The following SAPCD2 variants were observed in gnomAD, a reference collection of about 807,000 sequenced individuals.
SAPCD2 encodes the protein suppressor APC domain containing 2.
In SAPCD2, 34 loss-of-function variants were observed where a neutral mutation model predicts 37.8. The ratio of observed to expected loss-of-function variants is 0.90; its 90% CI spans 0.68 to 1.20. The LOEUF (loss-of-function observed/expected upper bound fraction) is 1.20, where lower values mean the gene tolerates loss of function less well. Among genes scored for constraint, SAPCD2 ranks in the 50% most tolerant of loss-of-function variants. SAPCD2 has a pLI of 0.00. For missense variants in SAPCD2, 572 were observed against 584.7 expected (o/e 0.98, Z 0.22); for synonymous variants, 275 against 270.3 (o/e 1.02, Z -0.17).
chr9:137,070,335 C>A lies in SAPCD2; in HGVS notation c.126G>T (p.Arg42=). The A allele has an allele frequency of 6.8e-7, 1 of 1,473,792 alleles. No homozygotes were observed. The highest frequency in any genetic ancestry group is 9.0e-7 in the Non-Finnish European group (1 of 1,114,844). The allele number at this position is 1,473,792 out of a possible 1,614,324, so 91.3% of individuals were successfully genotyped here. The change falls in exon 1 of 6, where the codon CGG becomes CGT. Residue 42 remains arginine (R), a synonymous_variant. Coordinates refer to ENST00000409687, the MANE Select transcript of SAPCD2 (RefSeq NM_178448.4). ...LRTLFDILDD[R]RRGCVHLREI... ...CGCGCAGGTGCACGCAGCCGCGCCG[C>A]CGGTCGTCCAGGATGTCGAACAGGG...
rs1443932608 is a variant in SAPCD2 at position 137,064,968 on chromosome 9, C to T, written c.951G>A (p.Pro317=). The part of the protein sequence containing the change: ...AAACASRALP[P]SSSGPPCPAL... ...CAGGGCAGGGGGGCCCGGAGGAGGA[C>T]GGGGGCAGGGCCTGCGGGAGGGCAG... The change falls in exon 5 of 6, where the codon CCG becomes CCA. Residue 317 remains proline (P), a synonymous_variant. Coordinates refer to ENST00000409687, the MANE Select transcript of SAPCD2 (RefSeq NM_178448.4). 16 of 1,528,778 alleles carry T rather than the reference C, an allele frequency of 1.0e-5. No homozygotes were observed. In the Admixed American group the frequency reaches 2.6e-4, roughly 24 times the overall value. The allele number at this position is 1,528,778 out of a possible 1,614,324, so 94.7% of individuals were successfully genotyped here.
intron 1 of SAPCD2, among the ~76,000 whole-genome samples, chr9:137,069,668 T>A (rs540133567): frequency 1.3e-5 from 2 of 152,218 alleles, no homozygotes; most frequent in South Asian, 4.2e-4. Flanking sequence ...CAGGAGAGGG[T>A]CTGGCTTGCC....
chr9:137,067,571 C>A (rs528936568), intron 1 of SAPCD2, among the ~76,000 whole-genome samples: 145 of 150,820 alleles, frequency 9.6e-4, no homozygotes, highest in African/African-American at 3.4e-3. Context: ...GTCAGGAGTT[C>A]AAGACCAGCC....
intron 2 of SAPCD2, 127 bp downstream of exon 2, chr9:137,066,135 A>C: frequency 1.6e-5 from 12 of 743,654 alleles, no homozygotes; most frequent in Non-Finnish European, 2.3e-5. Flanking sequence ...AGGTAGGGAG[A>C]GAGATGTCCA....
intron 2 of SAPCD2, 139 bp from the exon 3 acceptor site, chr9:137,065,807 A>G: frequency 9.7e-7 from 1 of 1,026,534 alleles, no homozygotes; most frequent in Non-Finnish European, 1.4e-6. Flanking sequence ...GCAAACACCC[A>G]CGGACGCACG....
chr9:137,070,011 A>G lies in SAPCD2; in HGVS notation c.450T>C (p.Gly150=), dbSNP rs1179956115. Residue 150 remains glycine, a synonymous_variant, in exon 1 of 6, where the codon GGT becomes GGC. Transcript: ENST00000409687. ...CCGGGCTGCGGGCGGCGGCGCTGGG[A>G]CCGGCCAGAGGGGCGCGCACGCCCA... ...LPLGVRAPLA[G]PSAAARSPEQ... is the part of the protein sequence containing the mutation. The G allele has an allele frequency of 8.2e-7, 1 of 1,213,902 alleles. No individual in the cohort carries two copies. The highest frequency in any genetic ancestry group is 1.6e-5 in the African/African-American group (1 of 63,232). 75.2% of individuals were successfully genotyped at this position (1,213,902 alleles called of 1,614,324 possible).
rs540876089 is a variant in SAPCD2 at position 137,064,264 on chromosome 9, C to T, written c.*395G>A. 1.5e-3 allele frequency: 388 copies of T among 257,682 alleles called. 2 individuals are homozygous for T. Among genetic ancestry groups the T allele is most frequent in the Admixed American group, 3.0e-3 (58 of 19,366 alleles). The allele number at this position is 257,682 out of a possible 1,614,324, so 16.0% of individuals were successfully genotyped here. A position where few individuals can be genotyped will look rare whatever the true frequency, so the allele number is the denominator to read the frequency against. ...CGGAGCCGCCCCGCGCCCTCTGCTG[C>T]CCGTTGTTGGAAGTGCAGCCTGGCG... On this transcript the variant is annotated 3_prime_UTR_variant, in exon 6 of 6. Transcript: ENST00000409687.
rs1363600771 is a variant in SAPCD2 at position 137,064,925 on chromosome 9, G to A, written c.994C>T (p.Pro332Ser). Residue 332 changes from proline to serine, a missense_variant, in exon 5 of 6, where the codon CCC (proline) becomes TCC (serine). Pro to Ser is a moderately conservative substitution (Grantham distance 74). Transcript: ENST00000409687. Reference protein sequence around the residue: ...PPCPALTSTSPPVWQQQTILM... With the variant: ...PPCPALTSTSSPVWQQQTILM... ...ATGGTCTGCTGCTGCCAGACCGGGGGTGAGGTGGACGTCAGGGCAGGGCAG... is the reference window on the plus strand; with the variant it reads ...ATGGTCTGCTGCTGCCAGACCGGGGATGAGGTGGACGTCAGGGCAGGGCAG... 3.9e-6 allele frequency: 6 copies of A among 1,556,668 alleles called. No individual in the cohort carries two copies. The highest frequency in any genetic ancestry group is 1.2e-5 in the South Asian group (1 of 84,712).
Position 137,070,178 on chromosome 9 carries a change from G to C in SAPCD2, c.283C>G (p.Leu95Val). The C allele has an allele frequency of 1.5e-6, 2 of 1,325,736 alleles. No homozygotes were observed. The allele number at this position is 1,325,736 out of a possible 1,614,324, so 82.1% of individuals were successfully genotyped here. ...ERFVAGLRTS[L>V]LSADGGPRDP... ...CGGGGGCCGCCGTCGGCGCTCAGCA[G>C]GGAGGTGCGCAGGCCGGCCACGAAG... The change falls in exon 1 of 6, where the codon CTG becomes GTG. Residue 95 changes from leucine (L) to valine (V), a missense_variant. Coordinates refer to ENST00000409687, the MANE Select transcript of SAPCD2 (RefSeq NM_178448.4).
In SAPCD2 at chr9:137,064,625, G is replaced by T; in HGVS notation, c.*34C>A. 6.3e-7 allele frequency: 1 copy of T among 1,578,290 alleles called. No individual in the cohort carries two copies. The highest frequency in any genetic ancestry group is 1.3e-5 in the African/African-American group (1 of 74,358). Reference sequence around the variant, plus strand: ...CCCACCCTCGAAGGGCTGAGTGCCAGGCTGGCCCTGGGGGCCCACGCGGCC... The same window carrying T: ...CCCACCCTCGAAGGGCTGAGTGCCATGCTGGCCCTGGGGGCCCACGCGGCC... On this transcript the variant is annotated 3_prime_UTR_variant, in exon 6 of 6. Transcript: ENST00000409687.
Position 137,070,231 on chromosome 9 carries a change from G to A in SAPCD2, c.230C>T (p.Pro77Leu). 2 of 1,411,974 alleles carry A rather than the reference G, an allele frequency of 1.4e-6. No homozygotes were observed. The highest frequency in any genetic ancestry group is 2.5e-5 in the Admixed American group (1 of 39,448). 87.5% of individuals were successfully genotyped at this position (1,411,974 alleles called of 1,614,324 possible). Residue 77 changes from proline to leucine, a missense_variant, in exon 1 of 6, where the codon CCG becomes CTG. Pro to Leu is a moderately conservative substitution (Grantham distance 98, BLOSUM62 -3). Coordinates refer to ENST00000409687, the MANE Select transcript of SAPCD2 (RefSeq NM_178448.4). ...CTCGAAGGTCAGGTAGCCGCTGGCC[G>A]GGGCCACCTGGCGCAAGCCCTCCAG... ...GVLEGLRQVA[P>L]ASGYLTFERF...
chr9:137,070,092 C>G lies in SAPCD2; in HGVS notation c.369G>C (p.Leu123=), dbSNP rs1832602387. Residue 123 remains leucine, a synonymous_variant, in exon 1 of 6, where the codon CTG becomes CTC. Transcript: ENST00000409687. ...GDQPPPPPQR[L]VFAPADEPRT... ...GCGGCTCGTCGGCCGGAGCGAACAC[C>G]AGGCGCTGCGGCGGCGGCGGCGGCT... 1 of 1,192,406 alleles carries G rather than the reference C, an allele frequency of 8.4e-7. No homozygotes were observed. Among genetic ancestry groups the G allele is most frequent in the Admixed American group, 4.5e-5 (1 of 22,170 alleles). 73.9% of individuals were successfully genotyped at this position (1,192,406 alleles called of 1,614,324 possible).
Position 137,064,517 on chromosome 9 carries a change from G to T in SAPCD2, c.*142C>A. ...CAGGCCTGGGGAGCCCATCTGGCAAGGGCGGCAGGAAGGCGCCCACTCCGG... is the reference window on the plus strand; with the variant it reads ...CAGGCCTGGGGAGCCCATCTGGCAATGGCGGCAGGAAGGCGCCCACTCCGG... On this transcript the variant is annotated 3_prime_UTR_variant, in exon 6 of 6. Coordinates refer to ENST00000409687, the MANE Select transcript of SAPCD2 (RefSeq NM_178448.4). 1.0e-6 allele frequency: 1 copy of T among 958,224 alleles called. No individual in the cohort carries two copies. The highest frequency in any genetic ancestry group is 1.5e-6 in the Non-Finnish European group (1 of 650,260). The allele number at this position is 958,224 out of a possible 1,614,324, so 59.4% of individuals were successfully genotyped here. A position where few individuals can be genotyped will look rare whatever the true frequency, so the allele number is the denominator to read the frequency against.
intron 1 of SAPCD2, among the ~76,000 whole-genome samples, chr9:137,066,676 C>G (rs1272617987): frequency 6.6e-6 from 1 of 152,218 alleles, no homozygotes; most frequent in African/African-American, 2.4e-5. Context: ...TTCTGCACAC[C>G]CAGTGCCCAG....
chr9:137,064,456 CG>C lies in SAPCD2; in HGVS notation c.*202del, dbSNP rs1473826801. 4.2e-5 allele frequency: 26 copies of C among 618,716 alleles called. 1 individual carries two copies. The highest frequency in any genetic ancestry group is 3.9e-4 in the South Asian group (20 of 51,040). The allele number at this position is 618,716 out of a possible 1,614,324, so 38.3% of individuals were successfully genotyped here. The stretch of plus-strand genomic sequence containing the variant: ...CCCATGTCAGCACCAGGAGCCAAAA[CG>C]GAGTCAAGCGCTCGGTGCGGGGACC... On this transcript the variant is annotated 3_prime_UTR_variant, in exon 6 of 6. Transcript: ENST00000409687.
In SAPCD2 at chr9:137,069,963, C is replaced by T; in HGVS notation, c.498G>A (p.Glu166=). The T allele has an allele frequency of 8.0e-7, 1 of 1,252,238 alleles. No homozygotes were observed. The allele number at this position is 1,252,238 out of a possible 1,614,324, so 77.6% of individuals were successfully genotyped here. A position where few individuals can be genotyped will look rare whatever the true frequency, so the allele number is the denominator to read the frequency against. Reference sequence around the variant, plus strand: ...CGGGCTCCGCGGGGCAGGGCGCCGCCTCAGCCGGGGCGCACAGCTGCTCCG... The same window carrying T: ...CGGGCTCCGCGGGGCAGGGCGCCGCTTCAGCCGGGGCGCACAGCTGCTCCG... ...RSPEQLCAPA[E]AAPCPAEPER... Residue 166 remains glutamate, a synonymous_variant, in exon 1 of 6, where the codon GAG becomes GAA. Coordinates refer to ENST00000409687, the MANE Select transcript of SAPCD2 (RefSeq NM_178448.4).
At position 137,070,029 on chromosome 9, in the gene SAPCD2, C is replaced by A. The variant is rs756522648; in HGVS notation, c.432G>T (p.Val144=). The change falls in exon 1 of 6, where the codon GTG becomes GTT. Residue 144 remains valine (V), a synonymous_variant. Transcript: ENST00000409687. ...VLERKPLPLG[V]RAPLAGPSAA... ...CGCTGGGACCGGCCAGAGGGGCGCG[C>A]ACGCCCAGGGGCAGGGGCTTCCTCT... 47 of 1,203,184 alleles carry A rather than the reference C, an allele frequency of 3.9e-5. No individual in the cohort carries two copies. In the South Asian group the frequency reaches 1.4e-3, roughly 36 times the overall value. 74.5% of individuals were successfully genotyped at this position (1,203,184 alleles called of 1,614,324 possible).
intron 2 of SAPCD2, 114 bp from the exon 3 acceptor site, chr9:137,065,782 C>T (rs1832537090): frequency 7.7e-7 from 1 of 1,305,598 alleles, no homozygotes; most frequent in Admixed American, 2.1e-5. Context: ...AATGCAGCAG[C>T]ACGTGTACAC....
At chr9:137,065,500 G>C in intron 3 of SAPCD2, 22 bp downstream of exon 3, 1 of 1,574,510 alleles carries the variant, frequency 6.4e-7, no homozygotes, top group Non-Finnish European at 8.6e-7. Context: ...TGGGGATCTG[G>C]GGACAGGGCT....
Sources: gnomAD v4.1 joint callset for allele counts (sites outside exome capture counted in the v4.1 genomes callset) on GRCh38, gnomAD v4.1.1 for gene constraint, MANE v1.5 for transcripts, NCBI Gene and HGNC (gene_info 2026-07-23, HGNC 2026-07-21) for gene names.